The following DSCAML1 variants were observed in gnomAD, a reference collection of about 807,000 sequenced individuals.
DSCAML1 encodes DS cell adhesion molecule like 1.
In DSCAML1, 38 loss-of-function variants were observed where a neutral mutation model predicts 200.5. That is an observed-to-expected ratio of 0.19 (90% CI 0.15 to 0.25). The LOEUF (loss-of-function observed/expected upper bound fraction) is 0.25, where lower values mean the gene tolerates loss of function less well. Among genes scored for constraint, DSCAML1 ranks in the 10% least tolerant of loss-of-function variants. DSCAML1 has a pLI of 1.00. For synonymous variants in DSCAML1, 1,215 were observed against 1,165.0 expected (o/e 1.04, Z -0.87); for missense variants, 2,223 against 2,858.8 (o/e 0.78, Z 5.07).
intron 3 of DSCAML1, among the ~76,000 whole-genome samples, chr11:117,690,525 C>T (rs948951552): frequency 2.0e-4 from 31 of 152,238 alleles, no homozygotes; most frequent in African/African-American, 6.5e-4. Flanking sequence ...CTGAGATTTC[C>T]GAGCTGGAAG....
chr11:117,719,214 C>A (rs1210673157), intron 3 of DSCAML1, among the ~76,000 whole-genome samples: 1 of 152,064 alleles, frequency 6.6e-6, no homozygotes, highest in Non-Finnish European at 1.5e-5. Flanking sequence ...ACAGGCGGAT[C>A]GCTGGAGGTC....
chr11:117,497,929 G>A (rs1399670186), intron 11 of DSCAML1, among the ~76,000 whole-genome samples: 3 of 152,332 alleles, frequency 2.0e-5, no homozygotes, highest in African/African-American at 4.8e-5. Context: ...AGTCCATCCC[G>A]TCCCCCACTC....
intron 3 of DSCAML1, among the ~76,000 whole-genome samples, chr11:117,548,774 C>T (rs1334552289): frequency 6.6e-6 from 1 of 152,148 alleles, no homozygotes; most frequent in Non-Finnish European, 1.5e-5. Context: ...AGCTGTGTGA[C>T]CTGGATGCAA....
chr11:117,738,584 A>G (rs1249969441), intron 3 of DSCAML1, among the ~76,000 whole-genome samples: 1 of 152,208 alleles, frequency 6.6e-6, no homozygotes, highest in Non-Finnish European at 1.5e-5. Context: ...TCATAAAAAC[A>G]TGGATGACTG....
chr11:117,625,021 G>A (rs1302404510), intron 3 of DSCAML1, among the ~76,000 whole-genome samples: 1 of 152,134 alleles, frequency 6.6e-6, no homozygotes, highest in African/African-American at 2.4e-5. Context: ...TCTGGAGTGT[G>A]GCCGGGGCTT....
chr11:117,799,498 T>TA (rs1368927950), upstream of DSCAML1, among the ~76,000 whole-genome samples: 1 of 152,214 alleles, frequency 6.6e-6, no homozygotes, highest in African/African-American at 2.4e-5. Flanking sequence ...ACATGTGTGT[T>TA]ACCCGAAGGG....
chr11:117,635,348 G>A (rs895652690), intron 3 of DSCAML1, among the ~76,000 whole-genome samples: 1 of 152,066 alleles, frequency 6.6e-6, no homozygotes, highest in Admixed American at 6.6e-5. Context: ...AGTGAGCTGT[G>A]GGTTGTCTTT....
chr11:117,734,716 C>A (rs1249299431), intron 3 of DSCAML1, among the ~76,000 whole-genome samples: 2 of 152,192 alleles, frequency 1.3e-5, no homozygotes, highest in African/African-American at 4.8e-5. Flanking sequence ...TTTTGTTCCC[C>A]AGCCATATCT....
At chr11:117,566,882 T>C (rs1308394366) in intron 3 of DSCAML1, among the ~76,000 whole-genome samples, 1 of 151,820 alleles carries the variant, frequency 6.6e-6, no homozygotes, top group Non-Finnish European at 1.5e-5. Flanking sequence ...TCCAATTTCA[T>C]CCATGTCCCT....
chr11:117,428,586 G>A lies in DSCAML1; in HGVS notation c.5904C>T (p.Thr1968=). 6.3e-7 allele frequency: 1 copy of A among 1,594,278 alleles called. No individual in the cohort carries two copies. Among genetic ancestry groups the A allele is most frequent in the Non-Finnish European group, 8.5e-7 (1 of 1,171,192 alleles). Residue 1968 remains threonine, a synonymous_variant, in exon 33 of 33, where the codon ACC becomes ACT. Transcript: ENST00000651296. Reference sequence around the variant, plus strand: ...GCATGGCCAGAGTCCTCTGAGGTAAGGTGGCTGTGGAGGCGGCAGCGGGGG... The same window carrying A: ...GCATGGCCAGAGTCCTCTGAGGTAAAGTGGCTGTGGAGGCGGCAGCGGGGG... ...PGAPAAASTA[T]LPQRTLAMPA...
chr11:117,588,360 T>C (rs1157106503), intron 3 of DSCAML1, among the ~76,000 whole-genome samples: 1 of 152,186 alleles, frequency 6.6e-6, no homozygotes, highest in East Asian at 1.9e-4. Context: ...GAGCACCCAG[T>C]GCCCATTCCA....
chr11:117,775,523 G>C (rs2055115160), intron 3 of DSCAML1, among the ~76,000 whole-genome samples: 1 of 152,124 alleles, frequency 6.6e-6, no homozygotes, highest in Admixed American at 6.5e-5. Flanking sequence ...GAAGTCAGGA[G>C]ATATAATGGC....
At chr11:117,519,064 A>G (rs1018446700) in intron 6 of DSCAML1, among the ~76,000 whole-genome samples, 1 of 152,214 alleles carries the variant, frequency 6.6e-6, no homozygotes, top group African/African-American at 2.4e-5. Context: ...AATAGCAATC[A>G]TGATTATACC....
intron 3 of DSCAML1, among the ~76,000 whole-genome samples, chr11:117,623,037 T>G (rs142019722): frequency 3.6e-4 from 55 of 152,160 alleles, no homozygotes; most frequent in African/African-American, 1.3e-3. Context: ...ACTTATTAGC[T>G]CTACGGTCTC....
At chr11:117,517,220 G>A (rs888716725) in intron 7 of DSCAML1, among the ~76,000 whole-genome samples, 12 of 152,222 alleles carry the variant, frequency 7.9e-5, no homozygotes, top group African/African-American at 2.9e-4. Context: ...ACAACAGGAA[G>A]GTCTTCGCCA....
Position 117,439,189 on chromosome 11 carries a change from C to T in DSCAML1, c.4144+77G>A, listed in dbSNP as rs2047987586. The T allele has an allele frequency of 2.6e-6, 4 of 1,562,002 alleles. No individual in the cohort carries two copies. The East Asian group carries it at 9.0e-5, about 35-fold the overall frequency. ...TGGTTTGGCTTCTTCCATTCGATGACCCTCTCGCATGATGGAATCCCTACC... is the reference window on the plus strand; with the variant it reads ...TGGTTTGGCTTCTTCCATTCGATGATCCTCTCGCATGATGGAATCCCTACC... On this transcript the variant is annotated intron_variant, in intron 23 of 32. Coordinates refer to ENST00000651296, the MANE Select transcript of DSCAML1 (RefSeq NM_020693.4).
At chr11:117,683,965 A>T (rs142434930) in intron 3 of DSCAML1, among the ~76,000 whole-genome samples, 1 of 152,220 alleles carries the variant, frequency 6.6e-6, no homozygotes, top group African/African-American at 2.4e-5. Context: ...AAATGCAGGC[A>T]GATATATGTG....
At chr11:117,672,309 T>G (rs1424597617) in intron 3 of DSCAML1, among the ~76,000 whole-genome samples, 2 of 151,934 alleles carry the variant, frequency 1.3e-5, no homozygotes, top group Non-Finnish European at 2.9e-5. Context: ...GTTGTATAAT[T>G]TGGGGTTGGT....
At chr11:117,578,892 A>C (rs2050995826) in intron 3 of DSCAML1, among the ~76,000 whole-genome samples, 1 of 152,142 alleles carries the variant, frequency 6.6e-6, no homozygotes, top group Non-Finnish European at 1.5e-5. Flanking sequence ...TTCAGCACAG[A>C]AAACTTAGCC....
Sources: gnomAD v4.1 joint callset for allele counts (sites outside exome capture counted in the v4.1 genomes callset) on GRCh38, gnomAD v4.1.1 for gene constraint, MANE v1.5 for transcripts, NCBI Gene and HGNC (gene_info 2026-07-23, HGNC 2026-07-21) for gene names.